Variants in LIPA observed in about 807,000 individuals in gnomAD.
LIPA encodes the protein lipase A, lysosomal acid type.
Under a neutral mutation model 40.6 loss-of-function variants are expected in LIPA, and 26 were observed. That is an observed-to-expected ratio of 0.64 (90% CI 0.47 to 0.89). The LOEUF is 0.89. Ranked by LOEUF, LIPA falls within the 40% of genes least tolerant of loss-of-function variation. The pLI is 0.00. For missense variants in LIPA, 455 were observed against 479.6 expected, an observed-to-expected ratio of 0.95 and a Z score of 0.48; for synonymous variants, 188 against 168.4, an observed-to-expected ratio of 1.12 and a Z score of -0.90.
chr10:89,274,258 C>T (rs1474126806), intron 1 of LIPA, among the ~76,000 whole-genome samples: 1 of 152,124 alleles, frequency 6.6e-6, no homozygotes, highest in Non-Finnish European at 1.5e-5. Context: ...CAAAGGATTG[C>T]TTTCTATTGT....
At chr10:89,334,411 C>T in intron 1 of LIPA, among the ~76,000 whole-genome samples, 1 of 149,668 alleles carries the variant, frequency 6.7e-6, no homozygotes, top group East Asian at 2.0e-4. Context: ...CCAGGTAGGA[C>T]TGGCATTCTA....
At chr10:89,374,213 T>C (rs1844108043) in intron 2 of LIPA, among the ~76,000 whole-genome samples, 1 of 152,234 alleles carries the variant, frequency 6.6e-6, no homozygotes, top group Non-Finnish European at 1.5e-5. Flanking sequence ...GGAATGTTGA[T>C]AGTGGTTAAG....
rs1308506868 is a variant in LIPA, at chr10:89,403,108, T to C, written c.61+9683A>G. 2 of 1,614,152 alleles carry C rather than the reference T, an allele frequency of 1.2e-6. No homozygotes were observed. Among genetic ancestry groups the C allele is most frequent in the East Asian group, 2.2e-5 (1 of 44,882 alleles). On this transcript the variant is annotated intron_variant, in intron 2 of 8. Coordinates refer to the LIPA transcript ENST00000371837. ...GCTCTTGAGTTATTAAAAAAGGCCT[T>C]GCAGGAAACACCCACTTCTGTCTTA...
Position 89,356,139 on chromosome 10 carries a change from C to G in LIPA, c.61+56652G>C, listed in dbSNP as rs138581209. Reference sequence around the variant, plus strand: ...AGCTCCAAGAACCCCCTTTTTGAGTCTGTATTGGGACCCCTTTCCTGTAAC... The same window carrying G: ...AGCTCCAAGAACCCCCTTTTTGAGTGTGTATTGGGACCCCTTTCCTGTAAC... On this transcript the variant is annotated intron_variant, in intron 2 of 8. Transcript: ENST00000371837. Among the ~76,000 whole-genome samples the G allele has an allele frequency of 1.7e-3, 258 of 152,196 alleles. 5 individuals are homozygous for G. In the East Asian group the frequency reaches 0.042, roughly 25 times the overall value.
At chr10:89,338,932 A>C (rs769294737) in intron 1 of LIPA, 20 of 1,614,092 alleles carry the variant, frequency 1.2e-5, no homozygotes, top group Non-Finnish European at 1.7e-5. Context: ...AGAAATCAGA[A>C]GTCTAGTCAC....
chr10:89,408,942 G>A (rs562575027), intron 2 of LIPA, among the ~76,000 whole-genome samples: 34 of 152,138 alleles, frequency 2.2e-4, no homozygotes, highest in African/African-American at 7.2e-4. Flanking sequence ...GACTGGAGTC[G>A]TAAACATCTG....
chr10:89,386,565 A>T (rs1450849828), intron 2 of LIPA, among the ~76,000 whole-genome samples: 1 of 152,172 alleles, frequency 6.6e-6, no homozygotes. Flanking sequence ...CCATTCATGG[A>T]ATTAATCTAA....
At chr10:89,316,192 G>A (rs2133529437) in intron 1 of LIPA, among the ~76,000 whole-genome samples, 1 of 152,272 alleles carries the variant, frequency 6.6e-6, no homozygotes, top group South Asian at 2.1e-4. Context: ...TTCCAACTGA[G>A]GTACTGGGTT....
chr10:89,281,344 C>A (rs1843313655), intron 1 of LIPA, among the ~76,000 whole-genome samples: 1 of 152,142 alleles, frequency 6.6e-6, no homozygotes, highest in Non-Finnish European at 1.5e-5. Flanking sequence ...AATTTTCCAT[C>A]CACTCCTTCA....
intron 2 of LIPA, chr10:89,402,772 A>C (rs772457689): frequency 6.2e-6 from 10 of 1,614,218 alleles, no homozygotes; most frequent in Non-Finnish European, 1.7e-6. Context: ...TGCTTTGAAA[A>C]GGTGCTTGAA....
chr10:89,381,353 G>A (rs2133603007), intron 2 of LIPA, among the ~76,000 whole-genome samples: 1 of 152,168 alleles, frequency 6.6e-6, no homozygotes, highest in South Asian at 2.1e-4. Flanking sequence ...GCATTCTTCA[G>A]CACAATATTA....
rs1051338 is a variant in LIPA at position 89,247,603 on chromosome 10, T to G, written c.46A>C (p.Thr16Pro). ...LGLVVCLVLWTLHSEGSGGKL... is the reference protein window; with the variant it reads ...LGLVVCLVLWPLHSEGSGGKL... ...CCTCCAGACCCCTCAGAATGCAGGG[T>G]CCAGAGAACCAAACAGACCACCAAC... The change falls in exon 2 of 10, where the codon ACC (threonine) becomes CCC (proline). Residue 16 changes from threonine (T) to proline (P), a missense_variant. Transcript: ENST00000336233. 491,140 of 1,610,980 alleles carry G rather than the reference T, an allele frequency of 0.3. 77,838 individuals carry two copies. Among genetic ancestry groups the G allele is most frequent in the South Asian group, 0.42 (37,786 of 90,984 alleles).
intron 2 of LIPA, chr10:89,378,181 C>T: frequency 6.2e-7 from 1 of 1,610,494 alleles, no homozygotes; most frequent in Non-Finnish European, 8.5e-7. Context: ...TTTCTGCACA[C>T]TTTGAAATTC....
At chr10:89,338,595 T>C (rs1843785831) in intron 1 of LIPA, 2 of 1,443,194 alleles carry the variant, frequency 1.4e-6, no homozygotes, top group East Asian at 4.6e-5. Flanking sequence ...ACATATAAAA[T>C]TAATGATCAC....
Position 89,247,545 on chromosome 10 carries a change from A to G in LIPA, c.104T>C (p.Met35Thr), listed in dbSNP as rs751474571. The G allele has an allele frequency of 1.3e-6, 2 of 1,597,300 alleles. No individual in the cohort carries two copies. Among genetic ancestry groups the G allele is most frequent in the Non-Finnish European group, 1.7e-6 (2 of 1,164,678 alleles). ...KLTAVDPETN[M>T]NVSEIISYWG... ...TAACTTTGAGAAACTTACCACATTC[A>G]TGTTTGTTTCAGGATCCACAGCTGT... The change falls in exon 2 of 10, where the codon ATG (methionine) becomes ACG (threonine). Residue 35 changes from methionine (M) to threonine (T), a missense_variant. Transcript: ENST00000336233.
At chr10:89,352,603 A>G (rs947142614) in intron 2 of LIPA, among the ~76,000 whole-genome samples, 2 of 152,098 alleles carry the variant, frequency 1.3e-5, no homozygotes, top group Non-Finnish European at 2.9e-5. Flanking sequence ...GTAACTGCCC[A>G]AGGGTTTTTT....
At chr10:89,315,245 A>T (rs1336071046) in intron 1 of LIPA, among the ~76,000 whole-genome samples, 2 of 152,260 alleles carry the variant, frequency 1.3e-5, no homozygotes, top group Non-Finnish European at 2.9e-5. Flanking sequence ...ATGATATCAC[A>T]AATATATGTA....
chr10:89,364,016 T>C (rs1844041569), intron 2 of LIPA, among the ~76,000 whole-genome samples: 1 of 152,198 alleles, frequency 6.6e-6, no homozygotes, highest in Admixed American at 6.5e-5. Flanking sequence ...CTGAACCCTG[T>C]CTTTTGAGAT....
chr10:89,313,042 T>C (rs1229074989), intron 1 of LIPA, among the ~76,000 whole-genome samples: 5 of 152,202 alleles, frequency 3.3e-5, no homozygotes, highest in African/African-American at 1.2e-4. Context: ...TCCAGCACTG[T>C]CTTACATGTT....
Sources: gnomAD v4.1 joint callset for allele counts (sites outside exome capture counted in the v4.1 genomes callset) on GRCh38, gnomAD v4.1.1 for gene constraint, MANE v1.5 for transcripts, NCBI Gene and HGNC (gene_info 2026-07-23, HGNC 2026-07-21) for gene names.